The following ZNF827 variants were observed in gnomAD, a reference collection of about 807,000 sequenced individuals.
ZNF827 encodes the protein zinc finger protein 827.
In ZNF827, 13 loss-of-function variants were observed where a neutral mutation model predicts 102.4. The observed-to-expected ratio is 0.13, with a 90% CI of 0.08 to 0.20. The LOEUF (loss-of-function observed/expected upper bound fraction) is 0.20, where lower values mean the gene tolerates loss of function less well. Among genes scored for constraint, ZNF827 ranks in the 10% least tolerant of loss-of-function variants. ZNF827 has a pLI of 1.00. For missense variants in ZNF827, 1,103 were observed against 1,344.4 expected (o/e 0.82, Z 2.81); for synonymous variants, 523 against 536.2 (o/e 0.98, Z 0.34).
rs370427705 is a variant in ZNF827 at position 145,938,622 on chromosome 4, CT to C, written c.-216del. Reference sequence around the variant, plus strand: ...CTTCTTTTCTTTCCTTTCTTTTTTCCTTTTTTTTTTTTTTTTAAATTTTTGG... The same window carrying C: ...CTTCTTTTCTTTCCTTTCTTTTTTCCTTTTTTTTTTTTTTTAAATTTTTGG... On this transcript the variant is annotated 5_prime_UTR_variant, in exon 1 of 15. Transcript: ENST00000508784. 0.33 allele frequency: 136,983 copies of C among 411,456 alleles called. 7,488 individuals carry two copies. The highest frequency in any genetic ancestry group is 0.55 in the African/African-American group (24,220 of 44,398). The allele number at this position is 411,456 out of a possible 1,614,324, so 25.5% of individuals were successfully genotyped here.
intron 4 of ZNF827, among the ~76,000 whole-genome samples, chr4:145,884,966 C>G: frequency 6.6e-6 from 1 of 151,648 alleles, no homozygotes; most frequent in Admixed American, 6.6e-5. Flanking sequence ...AGAGGTGAAC[C>G]GAGAGTTGTT....
rs1734077712 is a variant in ZNF827, at chr4:145,757,940, A to G, written c.*3676T>C. 6.6e-6 allele frequency: 1 copy of G among 152,326 alleles called. No homozygotes were observed. The highest frequency in any genetic ancestry group is 2.1e-4 in the South Asian group (1 of 4,828). 9.4% of individuals were successfully genotyped at this position (152,326 alleles called of 1,614,324 possible). On this transcript the variant is annotated 3_prime_UTR_variant, in exon 15 of 15. Coordinates refer to ENST00000508784, the MANE Select transcript of ZNF827 (RefSeq NM_001306215.2). ...TTTCATTGAAGAATGCATAGTGACA[A>G]CAATTGAAGTTAGTTGGTAGGTGAA...
intron 8 of ZNF827, among the ~76,000 whole-genome samples, chr4:145,790,922 A>G (rs1354118904): frequency 6.6e-6 from 1 of 152,216 alleles, no homozygotes; most frequent in Non-Finnish European, 1.5e-5. Context: ...TAACATTTTA[A>G]GGCAACAGTG....
chr4:145,852,642 T>C (rs1420594142), intron 5 of ZNF827, among the ~76,000 whole-genome samples: 1 of 152,194 alleles, frequency 6.6e-6, no homozygotes, highest in Non-Finnish European at 1.5e-5. Context: ...CTACTGACAT[T>C]TGGGGCTGGA....
At chr4:145,819,182 C>T (rs986682400) in intron 8 of ZNF827, among the ~76,000 whole-genome samples, 1 of 151,968 alleles carries the variant, frequency 6.6e-6, no homozygotes. Flanking sequence ...ATGTGCTTTA[C>T]ATTATCTCAC....
At chr4:145,886,399 G>A (rs1271320146) in intron 3 of ZNF827, among the ~76,000 whole-genome samples, 1 of 152,130 alleles carries the variant, frequency 6.6e-6, no homozygotes, top group African/African-American at 2.4e-5. Context: ...GCCGGCCAAC[G>A]GATGCTATTT....
chr4:145,837,982 C>G (rs1322463818), intron 7 of ZNF827, among the ~76,000 whole-genome samples: 4 of 151,886 alleles, frequency 2.6e-5, no homozygotes, highest in African/African-American at 7.3e-5. Context: ...TACCACCCCC[C>G]AAAAATTTTC....
intron 7 of ZNF827, among the ~76,000 whole-genome samples, chr4:145,826,103 G>A (rs1339017429): frequency 6.6e-6 from 1 of 152,174 alleles, no homozygotes; most frequent in African/African-American, 2.4e-5. Flanking sequence ...CTCTGCATTC[G>A]GATCCGTTCA....
chr4:145,932,981 G>A (rs1276404727), intron 1 of ZNF827, among the ~76,000 whole-genome samples: 3 of 152,160 alleles, frequency 2.0e-5, no homozygotes, highest in South Asian at 2.1e-4. Context: ...AACACTGGCC[G>A]AAAGCTGTCC....
chr4:145,864,613 AAT>A (rs1416694674), intron 5 of ZNF827, among the ~76,000 whole-genome samples: 2 of 151,988 alleles, frequency 1.3e-5, no homozygotes, highest in East Asian at 1.9e-4. Context: ...AATAAAATAA[AAT>A]ATATAAATTC....
Position 145,849,464 on chromosome 4 carries a change from A to T in ZNF827, c.2079T>A (p.Asn693Lys). Residue 693 changes from asparagine (N) to lysine (K), a missense_variant, in exon 6 of 15, where the codon AAT becomes AAA. Physicochemically the swap from Asn to Lys is moderately conservative, Grantham distance 94. This residue lies in a region of ZNF827 where 243 missense variants were observed against 251.6 expected (regional missense o/e 0.97). Transcript: ENST00000508784. ...GCCCGATTAAAGTGCTGTAGCCAACATTCCGGCTGGGTGATATCGAGACAT... is the reference window on the plus strand; with the variant it reads ...GCCCGATTAAAGTGCTGTAGCCAACTTTCCGGCTGGGTGATATCGAGACAT... ...DSHVSISPSRNVGYSTLIGRE... is the reference protein window; with the variant it reads ...DSHVSISPSRKVGYSTLIGRE... 1.2e-6 allele frequency: 2 copies of T among 1,614,214 alleles called. No homozygotes were observed. The highest frequency in any genetic ancestry group is 2.7e-5 in the African/African-American group (2 of 75,058).
At chr4:145,804,605 T>G (rs1222276619) in intron 8 of ZNF827, among the ~76,000 whole-genome samples, 1 of 152,240 alleles carries the variant, frequency 6.6e-6, no homozygotes, top group Non-Finnish European at 1.5e-5. Flanking sequence ...TGAAGATTAT[T>G]GAAGGTAGGT....
At chr4:145,855,070 C>T (rs1008067601) in intron 5 of ZNF827, among the ~76,000 whole-genome samples, 5 of 152,124 alleles carry the variant, frequency 3.3e-5, no homozygotes, top group Non-Finnish European at 5.9e-5. Context: ...GTTATCCTCC[C>T]TTCCTGGGCC....
chr4:145,870,616 CT>C, intron 4 of ZNF827, 138 bp from the exon 5 acceptor site: 1 of 699,212 alleles, frequency 1.4e-6, no homozygotes, highest in Admixed American at 2.8e-5. Flanking sequence ...TCAGAACAGG[CT>C]GGGCCCTGGG....
chr4:145,919,783 C>G (rs571229405), intron 1 of ZNF827, among the ~76,000 whole-genome samples: 35 of 152,324 alleles, frequency 2.3e-4, no homozygotes, highest in African/African-American at 7.7e-4. Flanking sequence ...AAACCAGAAA[C>G]CTGTAGATTC....
chr4:145,874,249 G>A (rs1748964811), intron 4 of ZNF827, among the ~76,000 whole-genome samples: 1 of 152,124 alleles, frequency 6.6e-6, no homozygotes, highest in African/African-American at 2.4e-5. Context: ...GTATATTGCT[G>A]GATTATACAT....
chr4:145,849,630 T>C, intron 5 of ZNF827, 69 bp from the exon 6 acceptor site: 1 of 1,595,282 alleles, frequency 6.3e-7, no homozygotes, highest in Non-Finnish European at 8.5e-7. Flanking sequence ...ACCCAGTTTC[T>C]AATCACAGAG....
At chr4:145,915,243 T>G (rs1017502892) in intron 1 of ZNF827, among the ~76,000 whole-genome samples, 5 of 152,010 alleles carry the variant, frequency 3.3e-5, no homozygotes, top group Non-Finnish European at 7.4e-5. Context: ...AGGTTGGGCG[T>G]TCAAGACCAG....
intron 4 of ZNF827, among the ~76,000 whole-genome samples, chr4:145,877,017 A>G (rs1387568065): frequency 1.3e-5 from 2 of 152,066 alleles, no homozygotes; most frequent in South Asian, 2.1e-4. Context: ...CTGGAGTGTC[A>G]CATTTTGTGC....
Sources: allele counts gnomAD v4.1 joint callset (sites outside exome capture counted in the v4.1 genomes callset), GRCh38; gene constraint gnomAD v4.1.1; regional missense constraint gnomAD v4.1.1; transcripts MANE v1.5; gene names NCBI Gene and HGNC (gene_info 2026-07-23, HGNC 2026-07-21).